The following CLIP3 variants were observed in gnomAD, a reference collection of about 807,000 sequenced individuals.
CLIP3 encodes CAP-Gly domain-containing linker protein 3.
CLIP3 carries 15 observed loss-of-function variants against 59.4 expected under a neutral mutation model. The ratio of observed to expected loss-of-function variants is 0.25; its 90% confidence interval spans 0.17 to 0.39. The LOEUF (loss-of-function observed/expected upper bound fraction) is 0.39. Among genes scored for constraint, CLIP3 ranks in the 10% least tolerant of loss-of-function variants. The pLI, the probability that CLIP3 is intolerant of heterozygous loss-of-function variation, is 1.00. For synonymous variants in CLIP3, 300 were observed against 321.6 expected (o/e 0.93, Z 0.72); for missense variants, 495 against 765.7 (o/e 0.65, Z 4.17).
At position 36,016,354 on chromosome 19, in the gene CLIP3, T is replaced by G; in HGVS notation, c.1590-142A>C. On this transcript the variant is annotated intron_variant, in intron 13 of 13. Coordinates refer to ENST00000360535, the MANE Select transcript of CLIP3 (RefSeq NM_015526.3). The surrounding 1 kb of genome is among the most constrained non-coding windows in gnomAD (Gnocchi z 4.1). ...CCTCTCTGGCTGTGGTTTGTTTGTT[T>G]GTTTGTTTTCTGAGATGGAGTCTCA... is the stretch of plus-strand genomic sequence containing the variant. 9.9e-7 allele frequency: 1 copy of G among 1,014,038 alleles called. No homozygotes were observed. Among genetic ancestry groups the G allele is most frequent in the Non-Finnish European group, 1.5e-6 (1 of 665,048 alleles). 62.8% of individuals were successfully genotyped at this position (1,014,038 alleles called of 1,614,324 possible).
At position 36,016,399 on chromosome 19, in the gene CLIP3, G is replaced by A. The variant is rs141577376; in HGVS notation, c.1590-187C>T. Among the ~76,000 whole-genome samples, 6 of 152,322 alleles carry A rather than the reference G, an allele frequency of 3.9e-5. No homozygotes were observed. In the East Asian group the frequency reaches 1.2e-3, roughly 29 times the overall value. On this transcript the variant is annotated intron_variant, in intron 13 of 13. Coordinates refer to ENST00000360535, the MANE Select transcript of CLIP3 (RefSeq NM_015526.3). The surrounding 1 kb of genome is among the most constrained non-coding windows in gnomAD (Gnocchi z 4.1). ...GTCTCACTCTGTCACCCAGGCTGGA[G>A]TGCCATGGCACGATCTCGGCTCACT...
intron 7 of CLIP3, among the ~76,000 whole-genome samples, chr19:36,023,400 T>C (rs1368167557): frequency 1.3e-5 from 2 of 152,138 alleles, no homozygotes; most frequent in Non-Finnish European, 2.9e-5. Context: ...TCTGCTTCCT[T>C]ATCTTTGCAA....
chr19:36,020,545 G>C (rs1968926855), intron 7 of CLIP3, among the ~76,000 whole-genome samples: 1 of 151,972 alleles, frequency 6.6e-6, no homozygotes, highest in Admixed American at 6.6e-5. Flanking sequence ...GTTGCAGTGA[G>C]CCCAGATAGC....
intron 2 of CLIP3, among the ~76,000 whole-genome samples, chr19:36,030,022 A>AC (rs572160678): frequency 1.4e-3 from 213 of 151,006 alleles, no homozygotes; most frequent in Non-Finnish European, 2.3e-3. Context: ...GAGGTACAGC[A>AC]CCCCCCCGAC....
intron 7 of CLIP3, 64 bp downstream of exon 7, chr19:36,024,332 C>CAAGGGATT: frequency 6.9e-7 from 1 of 1,446,858 alleles, no homozygotes; most frequent in South Asian, 1.2e-5. Context: ...GACGCAGCTC[C>CAAGGGATT]AAGGGATTAA....
At position 36,016,713 on chromosome 19, in the gene CLIP3, A is replaced by T; in HGVS notation, c.1589+194T>A. The T allele has an allele frequency of 1.6e-6, 1 of 613,410 alleles. No homozygotes were observed. The highest frequency in any genetic ancestry group is 2.9e-6 in the Non-Finnish European group (1 of 344,862). 38.0% of individuals were successfully genotyped at this position (613,410 alleles called of 1,614,324 possible). A position where few individuals can be genotyped will look rare whatever the true frequency, so the allele number is the denominator to read the frequency against. ...TCTGCTTCCTTTACCGGCCCACCCG[A>T]AAGTGGAATTCACTAGAATTCAGTG... On this transcript the variant is annotated intron_variant, in intron 13 of 13. Transcript: ENST00000360535. The surrounding 1 kb of genome is among the most constrained non-coding windows in gnomAD (Gnocchi z 4.1).
At chr19:36,023,969 C>T (rs924293916) in intron 7 of CLIP3, among the ~76,000 whole-genome samples, 2 of 152,178 alleles carry the variant, frequency 1.3e-5, no homozygotes, top group African/African-American at 2.4e-5. Flanking sequence ...CTTGCTCCTC[C>T]ACATCTGCAA....
Position 36,032,259 on chromosome 19 carries a change from G to T in CLIP3, c.99C>A (p.Pro33=). Residue 33 remains proline, a synonymous_variant, in exon 2 of 14, where the codon CCC becomes CCA. Transcript: ENST00000360535. The surrounding 1 kb of genome is among the most constrained non-coding windows in gnomAD (Gnocchi z 4.3). ...CAGGCTTCTGCCGGCGCTCCTGGGT[G>T]GGGCTGGGGGCCTCGGGGACGGGTT... ...EDEPVPEAPS[P]TQERRQKPVV... is the part of the protein sequence containing the mutation. The T allele has an allele frequency of 7.7e-7, 1 of 1,301,000 alleles. No individual in the cohort carries two copies. The highest frequency in any genetic ancestry group is 3.0e-5 in the East Asian group (1 of 33,734). 80.6% of individuals were successfully genotyped at this position (1,301,000 alleles called of 1,614,324 possible).
chr19:36,020,961 T>G (rs1325684775), intron 7 of CLIP3, among the ~76,000 whole-genome samples: 1 of 152,016 alleles, frequency 6.6e-6, no homozygotes, highest in Non-Finnish European at 1.5e-5. Flanking sequence ...TCAAGCAATC[T>G]TCCCTCCTCA....
intron 7 of CLIP3, among the ~76,000 whole-genome samples, chr19:36,022,145 G>C (rs1968968041): frequency 6.6e-6 from 1 of 152,128 alleles, no homozygotes; most frequent in South Asian, 2.1e-4. Flanking sequence ...CTCCCAAAGT[G>C]CTGGGATTAC....
intron 6 of CLIP3, among the ~76,000 whole-genome samples, chr19:36,025,114 C>G (rs1301678913): frequency 6.6e-5 from 10 of 151,404 alleles, no homozygotes; most frequent in Admixed American, 6.6e-4. Flanking sequence ...AGACCACATC[C>G]CCAGGGAAAC....
intron 7 of CLIP3, among the ~76,000 whole-genome samples, chr19:36,019,757 C>T (rs1251664741): frequency 6.6e-6 from 1 of 151,894 alleles, no homozygotes; most frequent in Non-Finnish European, 1.5e-5. Flanking sequence ...TGCATGCCAC[C>T]ACGCCTGGCT....
At position 36,016,982 on chromosome 19, in the gene CLIP3, GA is replaced by G. The variant is rs1295624532; in HGVS notation, c.1517-4del. On this transcript the variant is annotated splice_polypyrimidine_tract_variant and splice_region_variant and intron_variant, in intron 12 of 13. Coordinates refer to ENST00000360535, the MANE Select transcript of CLIP3 (RefSeq NM_015526.3). The surrounding 1 kb of genome is among the most constrained non-coding windows in gnomAD (Gnocchi z 4.1). The stretch of plus-strand genomic sequence containing the variant: ...GAAGGTGCGTTTGGGCTGCGTCACT[GA>G]AGAGGAGGGCAGGATGTCAAGTGAG... 6.2e-7 allele frequency: 1 copy of G among 1,613,916 alleles called. No individual in the cohort carries two copies. The highest frequency in any genetic ancestry group is 1.1e-5 in the South Asian group (1 of 91,024).
At chr19:36,022,179 C>A (rs1184304331) in intron 7 of CLIP3, among the ~76,000 whole-genome samples, 2 of 152,216 alleles carry the variant, frequency 1.3e-5, no homozygotes, top group African/African-American at 2.4e-5. Flanking sequence ...CGCGCCCCGA[C>A]AATTAGTGCT....
chr19:36,019,357 C>T (rs370084643), intron 7 of CLIP3, 51 bp from the exon 8 acceptor site: 426 of 1,565,632 alleles, frequency 2.7e-4, no homozygotes, highest in Non-Finnish European at 3.0e-4. Flanking sequence ...GGGAGGCCAA[C>T]GTGGAGTGCC....
rs987744535 is a variant in CLIP3 at position 36,027,243 on chromosome 19, C to T, written c.195G>A (p.Pro65=). The T allele has an allele frequency of 5.0e-6, 8 of 1,611,174 alleles. No individual in the cohort carries two copies. Among genetic ancestry groups the T allele is most frequent in the South Asian group, 1.1e-5 (1 of 90,594 alleles). The change falls in exon 3 of 14, where the codon CCG becomes CCA. Residue 65 remains proline, a synonymous_variant. Coordinates refer to ENST00000360535, the MANE Select transcript of CLIP3 (RefSeq NM_015526.3). Reference sequence around the variant, plus strand: ...GGTCAAACAGGATCTCCTGGCACGCCGGGTCATTGGGATCGAAGAAGGTGA... The same window carrying T: ...GGTCAAACAGGATCTCCTGGCACGCTGGGTCATTGGGATCGAAGAAGGTGA... ...YAFTFFDPND[P]ACQEILFDPQ...
intron 7 of CLIP3, among the ~76,000 whole-genome samples, chr19:36,022,256 G>C (rs368612136): frequency 2.0e-5 from 3 of 152,152 alleles, no homozygotes; most frequent in Non-Finnish European, 4.4e-5. Flanking sequence ...TTTAGTATGC[G>C]CTGGACTCTG....
In CLIP3 at chr19:36,024,481, G is replaced by A; in HGVS notation, c.833C>T (p.Pro278Leu). ...LSCALPKVTL[P>L]NYDNVPGNLM... ...ATTGCCTGGGACGTTGTCATAGTTG[G>A]GTAGCGTGACCTTGGGGAGGGCGCA... Residue 278 changes from proline to leucine, a missense_variant, in exon 7 of 14, where the codon CCC (proline) becomes CTC (leucine). This residue lies in a region of CLIP3 where 194 missense variants were observed against 327.8 expected (regional missense o/e 0.59). Transcript: ENST00000360535. 6.2e-7 allele frequency: 1 copy of A among 1,614,266 alleles called. No homozygotes were observed. Among genetic ancestry groups the A allele is most frequent in the Non-Finnish European group, 8.5e-7 (1 of 1,180,050 alleles).
chr19:36,026,322 C>T lies in CLIP3; in HGVS notation c.563-57G>A, dbSNP rs552024818. The T allele has an allele frequency of 2.8e-6, 4 of 1,449,172 alleles. No homozygotes were observed. Among genetic ancestry groups the T allele is most frequent in the Admixed American group, 1.7e-5 (1 of 58,824 alleles). 89.8% of individuals were successfully genotyped at this position (1,449,172 alleles called of 1,614,324 possible). ...GAGCGCCTGTGGGACCCCAGCCCTC[C>T]TCCCACCTCGGGGCTCATCTCTTAA... On this transcript the variant is annotated intron_variant, in intron 5 of 13. Transcript: ENST00000360535. This position sits in a 1 kb window ranked among gnomAD's most constrained non-coding sequence, Gnocchi z 6.3.
Sources: gnomAD v4.1 joint callset for allele counts (sites outside exome capture counted in the v4.1 genomes callset) on GRCh38, gnomAD v4.1.1 for gene constraint, gnomAD v4.1.1 regional missense constraint, Gnocchi (gnomAD v3.1) non-coding constraint, MANE v1.5 for transcripts, NCBI Gene and HGNC (gene_info 2026-07-23, HGNC 2026-07-21) for gene names.